The following SLC27A6 variants were observed in gnomAD, a reference collection of about 807,000 sequenced individuals.
SLC27A6 encodes solute carrier family 27 member 6, also known as long-chain fatty acid transport protein 6.
SLC27A6 carries 74 observed loss-of-function variants against 63.9 expected under a neutral mutation model. The ratio of observed to expected loss-of-function variants is 1.16; its 90% confidence interval spans 0.96 to 1.40. The LOEUF (loss-of-function observed/expected upper bound fraction) is 1.40, where lower values mean the gene tolerates loss of function less well. Among genes scored for constraint, SLC27A6 ranks in the 40% most tolerant of loss-of-function variants. The probability of loss-of-function intolerance (pLI) is 0.00; values close to 1 mark genes in which losing one functional copy is unlikely to be tolerated. For synonymous variants in SLC27A6, 287 were observed against 260.8 expected (o/e 1.10, Z -0.97); for missense variants, 794 against 732.9 (o/e 1.08, Z -0.96).
At chr5:129,005,006 C>G (rs1183801871) in intron 4 of SLC27A6, among the ~76,000 whole-genome samples, 1 of 152,158 alleles carries the variant, frequency 6.6e-6, no homozygotes, top group Non-Finnish European at 1.5e-5. Context: ...AGGTGCTATC[C>G]CTGGCCCCGC....
chr5:129,018,834 CATTTT>C (rs1751987913), intron 5 of SLC27A6, among the ~76,000 whole-genome samples: 2 of 152,080 alleles, frequency 1.3e-5, no homozygotes, highest in African/African-American at 2.4e-5. Flanking sequence ...ATTTTCAACT[CATTTT>C]AGTTTTCTTT....
chr5:128,968,729 T>A (rs920227412), intron 1 of SLC27A6, among the ~76,000 whole-genome samples: 1 of 152,112 alleles, frequency 6.6e-6, no homozygotes, highest in African/African-American at 2.4e-5. Context: ...TTCACTCTGA[T>A]GGCAGTTTCT....
At chr5:128,989,982 G>A (rs1045259970) in intron 3 of SLC27A6, among the ~76,000 whole-genome samples, 5 of 150,664 alleles carry the variant, frequency 3.3e-5, no homozygotes, top group Non-Finnish European at 4.4e-5. Context: ...TGAATAATAT[G>A]TATATATTCC....
intron 4 of SLC27A6, among the ~76,000 whole-genome samples, chr5:129,006,094 T>TTTTTTTTTTTC (rs1751521962): frequency 9.2e-6 from 1 of 108,748 alleles, no homozygotes; most frequent in Non-Finnish European, 2.0e-5. Flanking sequence ...TTTTTTTTTT[T>TTTTTTTTTTTC]TTGAGACGGA....
chr5:129,009,538 GTATT>G (rs1224742869), intron 4 of SLC27A6, among the ~76,000 whole-genome samples: 1 of 152,072 alleles, frequency 6.6e-6, no homozygotes, highest in African/African-American at 2.4e-5. Flanking sequence ...GAGACATACT[GTATT>G]TATTTCATTA....
chr5:128,966,498 G>C lies in SLC27A6; in HGVS notation c.361G>C (p.Val121Leu). 1 of 1,608,406 alleles carries C rather than the reference G, an allele frequency of 6.2e-7. No homozygotes were observed. Among genetic ancestry groups the C allele is most frequent in the Non-Finnish European group, 8.5e-7 (1 of 1,177,672 alleles). The stretch of plus-strand genomic sequence containing the variant: ...GAGCAATGAGCCGGACTTCGTTCAC[G>C]TGTGGTTCGGCCTCGCCAAGCTGGG... ...LMSNEPDFVH[V>L]WFGLAKLGCV... Residue 121 changes from valine to leucine, a missense_variant, in exon 1 of 10, where the codon GTG becomes CTG. Transcript: ENST00000262462.
intron 5 of SLC27A6, among the ~76,000 whole-genome samples, chr5:129,022,641 T>G (rs1176599122): frequency 1.3e-5 from 2 of 152,094 alleles, no homozygotes; most frequent in Non-Finnish European, 1.5e-5. Flanking sequence ...GATTGCTGAG[T>G]AGAACCTCAA....
chr5:128,969,455 T>C (rs1750049417), intron 1 of SLC27A6, among the ~76,000 whole-genome samples: 2 of 152,222 alleles, frequency 1.3e-5, no homozygotes, highest in African/African-American at 2.4e-5. Flanking sequence ...CAGTGGTTTG[T>C]AGTTCTCCTT....
Position 129,029,678 on chromosome 5 carries a change from T to A in SLC27A6, c.1654T>A (p.Tyr552Asn). ...ACAAGTTGTAACATTTCTACCAGCT[T>A]ATGCTTGTCCACGATTTTTAAGAAT... is the stretch of plus-strand genomic sequence containing the variant. The part of the protein sequence containing the change: ...YEQVVTFLPA[Y>N]ACPRFLRIQE... Residue 552 changes from tyrosine (Y) to asparagine (N), a missense_variant, in exon 9 of 10, where the codon TAT becomes AAT. Tyr to Asn is a moderately radical substitution (Grantham distance 143). Transcript: ENST00000262462. The A allele has an allele frequency of 6.2e-7, 1 of 1,601,610 alleles. No individual in the cohort carries two copies. The highest frequency in any genetic ancestry group is 1.1e-5 in the South Asian group (1 of 88,006).
intron 1 of SLC27A6, among the ~76,000 whole-genome samples, chr5:128,979,735 TA>T (rs1189598563): frequency 6.6e-6 from 1 of 152,206 alleles, no homozygotes; most frequent in Non-Finnish European, 1.5e-5. Flanking sequence ...TAAATTGTGT[TA>T]TTATATTATA....
chr5:129,018,639 GTA>G (rs1751982849), intron 5 of SLC27A6, among the ~76,000 whole-genome samples: 1 of 151,938 alleles, frequency 6.6e-6, no homozygotes, highest in Non-Finnish European at 1.5e-5. Flanking sequence ...TACAAATTTG[GTA>G]TTGATATTGA....
chr5:129,021,680 C>T (rs946315238), intron 5 of SLC27A6, among the ~76,000 whole-genome samples: 11 of 152,180 alleles, frequency 7.2e-5, no homozygotes, highest in Admixed American at 2.6e-4. Flanking sequence ...TATTATAATG[C>T]AGCCATTTTT....
chr5:129,001,065 A>G (rs140350319), intron 4 of SLC27A6, among the ~76,000 whole-genome samples: 1 of 152,296 alleles, frequency 6.6e-6, no homozygotes, highest in Non-Finnish European at 1.5e-5. Flanking sequence ...ATCTTTGTTA[A>G]ACTGATGGCT....
chr5:129,013,276 T>C (rs1405699184), intron 4 of SLC27A6, among the ~76,000 whole-genome samples: 1 of 152,096 alleles, frequency 6.6e-6, no homozygotes, highest in Non-Finnish European at 1.5e-5. Context: ...GTTTCTTTGC[T>C]CCTGTATAAT....
rs1455454686 is a variant in SLC27A6, at chr5:129,033,529, A to T, written c.*247A>T. ...AACTAAGTATTTTCCTTAATACTAA[A>T]GATTTTAAATAATAAATAGTGGCTA... is the stretch of plus-strand genomic sequence containing the variant. On this transcript the variant is annotated 3_prime_UTR_variant, in exon 10 of 10. Transcript: ENST00000262462. 2.5e-5 allele frequency: 5 copies of T among 196,174 alleles called. No homozygotes were observed. The East Asian group carries it at 5.7e-4, about 22-fold the overall frequency. 12.2% of individuals were successfully genotyped at this position (196,174 alleles called of 1,614,324 possible).
In SLC27A6 at chr5:129,015,982, A is replaced by T; in HGVS notation, c.1067A>T (p.Lys356Met). ...TTTTTAGACAGATTTGGAAATATAAAGGTGTGTGAACTTTATGCAGCTACC... is the reference window on the plus strand; with the variant it reads ...TTTTTAGACAGATTTGGAAATATAATGGTGTGTGAACTTTATGCAGCTACC... ...REFLDRFGNI[K>M]VCELYAATES... The change falls in exon 5 of 10, where the codon AAG becomes ATG. Residue 356 changes from lysine to methionine, a missense_variant. By Grantham distance (95) the Lys-to-Met change is moderately conservative. Transcript: ENST00000262462. 1 of 1,610,606 alleles carries T rather than the reference A, an allele frequency of 6.2e-7. No homozygotes were observed. The highest frequency in any genetic ancestry group is 8.5e-7 in the Non-Finnish European group (1 of 1,178,640).
chr5:128,979,672 A>C (rs1050184574), intron 1 of SLC27A6, among the ~76,000 whole-genome samples: 1 of 152,164 alleles, frequency 6.6e-6, no homozygotes, highest in Admixed American at 6.6e-5. Flanking sequence ...ACATCAAATG[A>C]AGTGTTCGAC....
intron 1 of SLC27A6, among the ~76,000 whole-genome samples, chr5:128,979,067 G>T (rs149478755): frequency 1.3e-5 from 2 of 151,934 alleles, no homozygotes; most frequent in African/African-American, 4.8e-5. Flanking sequence ...TAAATGTAAA[G>T]AACTCAACAG....
At position 128,987,680 on chromosome 5, in the gene SLC27A6, G is replaced by T. The variant is rs114721585; in HGVS notation, c.686-920G>T. On this transcript the variant is annotated intron_variant, in intron 2 of 9. Coordinates refer to ENST00000262462, the MANE Select transcript of SLC27A6 (RefSeq NM_001017372.3). ...GTTGGAAAATCTCTCAAAAAGTAAAGCAAAAGGTAAGAGAAGGAAAACAGG... is the reference window on the plus strand; with the variant it reads ...GTTGGAAAATCTCTCAAAAAGTAAATCAAAAGGTAAGAGAAGGAAAACAGG... 3.2e-3 allele frequency among the ~76,000 whole-genome samples: 486 copies of T among 152,106 alleles called. 2 individuals are homozygous for T. The highest frequency in any genetic ancestry group is 0.01 in the African/African-American group (435 of 41,524).
Sources: gnomAD v4.1 joint callset for allele counts (sites outside exome capture counted in the v4.1 genomes callset) on GRCh38, gnomAD v4.1.1 for gene constraint, MANE v1.5 for transcripts, NCBI Gene and HGNC (gene_info 2026-07-23, HGNC 2026-07-21) for gene names.